Variants in ZNF804A observed in about 807,000 individuals in gnomAD.
ZNF804A encodes the protein zinc finger protein 804A.
ZNF804A carries 2 observed loss-of-function variants against 16.5 expected under a neutral mutation model. The observed-to-expected ratio is 0.12, with a 90% confidence interval of 0.05 to 0.38. The LOEUF (loss-of-function observed/expected upper bound fraction) is 0.38. ZNF804A is among the 10% of genes least tolerant of loss of function. ZNF804A has a pLI of 0.99. For missense variants in ZNF804A, 1,473 were observed against 1,390.7 expected (o/e 1.06, Z -0.94); for synonymous variants, 534 against 489.6 (o/e 1.09, Z -1.20).
At chr2:184,849,153 C>T (rs568686123) in intron 1 of ZNF804A, among the ~76,000 whole-genome samples, 2 of 152,088 alleles carry the variant, frequency 1.3e-5, no homozygotes, top group South Asian at 4.1e-4. Context: ...AAATAATTTA[C>T]ACTTGAGCCC....
chr2:184,782,292 T>TATTG (rs1694382374), intron 1 of ZNF804A, among the ~76,000 whole-genome samples: 1 of 151,616 alleles, frequency 6.6e-6, no homozygotes, highest in Admixed American at 6.6e-5. Context: ...GGGTGCAAAG[T>TATTG]ATTGATCCTG....
intron 1 of ZNF804A, among the ~76,000 whole-genome samples, chr2:184,608,938 C>T (rs1691194376): frequency 6.6e-6 from 1 of 152,086 alleles, no homozygotes; most frequent in Non-Finnish European, 1.5e-5. Flanking sequence ...GAGAAACAGG[C>T]TTCACTTAGA....
At chr2:184,776,843 G>A (rs190622974) in intron 1 of ZNF804A, among the ~76,000 whole-genome samples, 7 of 151,556 alleles carry the variant, frequency 4.6e-5, no homozygotes, top group Admixed American at 1.3e-4. Flanking sequence ...ACATCTCACT[G>A]TTCCCCTCAT....
chr2:184,817,367 A>T (rs1286676379), intron 1 of ZNF804A, among the ~76,000 whole-genome samples: 1 of 151,966 alleles, frequency 6.6e-6, no homozygotes, highest in Non-Finnish European at 1.5e-5. Flanking sequence ...CAACAAAAAC[A>T]TCAACAAAAA....
At chr2:184,689,571 G>T (rs964494836) in intron 1 of ZNF804A, among the ~76,000 whole-genome samples, 38 of 152,084 alleles carry the variant, frequency 2.5e-4, no homozygotes, top group Middle Eastern at 6.8e-3. Context: ...ATAATTTTAG[G>T]TCTGGTCATA....
chr2:184,766,082 A>G (rs1559144860), intron 1 of ZNF804A, among the ~76,000 whole-genome samples: 1 of 152,156 alleles, frequency 6.6e-6, no homozygotes, highest in Non-Finnish European at 1.5e-5. Flanking sequence ...TTTGCCCCAC[A>G]ACATGTATCG....
At chr2:184,691,967 T>A (rs1692737289) in intron 1 of ZNF804A, among the ~76,000 whole-genome samples, 2 of 152,102 alleles carry the variant, frequency 1.3e-5, no homozygotes, top group African/African-American at 4.8e-5. Context: ...GATTTATAAG[T>A]GAAAGTTTCT....
At chr2:184,897,725 A>T (rs1286151021) in intron 2 of ZNF804A, among the ~76,000 whole-genome samples, 1 of 152,124 alleles carries the variant, frequency 6.6e-6, no homozygotes, top group Non-Finnish European at 1.5e-5. Context: ...TGCTCAAATT[A>T]TTCCAGCTTT....
intron 1 of ZNF804A, among the ~76,000 whole-genome samples, chr2:184,698,581 G>A (rs1218614438): frequency 6.6e-6 from 1 of 152,036 alleles, no homozygotes; most frequent in Non-Finnish European, 1.5e-5. Context: ...CACTGCAAAT[G>A]GTGGAGGACT....
At chr2:184,927,301 C>T (rs550544352) in intron 2 of ZNF804A, among the ~76,000 whole-genome samples, 90 of 152,338 alleles carry the variant, frequency 5.9e-4, no homozygotes, top group Middle Eastern at 6.8e-3. Context: ...TCTGGATTAC[C>T]AGACAAAGAC....
intron 1 of ZNF804A, among the ~76,000 whole-genome samples, chr2:184,702,263 T>C (rs1372060609): frequency 1.3e-5 from 2 of 152,038 alleles, no homozygotes; most frequent in African/African-American, 4.8e-5. Flanking sequence ...TTTTGATTTT[T>C]TGAGACAACT....
intron 1 of ZNF804A, among the ~76,000 whole-genome samples, chr2:184,615,995 CA>C (rs1691313281): frequency 6.6e-6 from 1 of 152,154 alleles, no homozygotes; most frequent in Non-Finnish European, 1.5e-5. Flanking sequence ...TTTGGTTCCT[CA>C]ATAAGCCTGA....
intron 1 of ZNF804A, among the ~76,000 whole-genome samples, chr2:184,829,158 A>G (rs1695220006): frequency 1.3e-5 from 2 of 151,718 alleles, no homozygotes; most frequent in African/African-American, 4.8e-5. Flanking sequence ...CTAAATCTAA[A>G]TGCACTTTAT....
intron 1 of ZNF804A, among the ~76,000 whole-genome samples, chr2:184,670,420 G>A (rs1297365048): frequency 1.3e-5 from 2 of 151,884 alleles, no homozygotes; most frequent in South Asian, 2.1e-4. Context: ...ACATGTTAGA[G>A]CCTGTCAGTT....
At chr2:184,927,278 T>A (rs559417448) in intron 2 of ZNF804A, among the ~76,000 whole-genome samples, 1 of 152,338 alleles carries the variant, frequency 6.6e-6, no homozygotes, top group African/African-American at 2.4e-5. Flanking sequence ...TTGGACAAGA[T>A]CCAAAAGAAT....
rs568266340 is a variant in ZNF804A at position 184,852,554 on chromosome 2, T to G, written c.112-13815T>G. On this transcript the variant is annotated intron_variant, in intron 1 of 3. Transcript: ENST00000302277. ...TGTCATAGAGATCTCCCACCGGCTT[T>G]TTTTGTTTTTAGCAGTTTTACAGTG... Among the ~76,000 whole-genome samples, 473 of 151,440 alleles carry G rather than the reference T, an allele frequency of 3.1e-3. 4 individuals carry two copies. The highest frequency in any genetic ancestry group is 0.014 in the Middle Eastern group (4 of 294).
At chr2:184,678,182 C>T (rs1692471751) in intron 1 of ZNF804A, among the ~76,000 whole-genome samples, 1 of 151,906 alleles carries the variant, frequency 6.6e-6, no homozygotes, top group African/African-American at 2.4e-5. Flanking sequence ...AGCATTATTT[C>T]TTTAAAACAG....
intron 1 of ZNF804A, among the ~76,000 whole-genome samples, chr2:184,639,053 C>T (rs1260933184): frequency 6.8e-6 from 1 of 147,860 alleles, no homozygotes; most frequent in Admixed American, 6.8e-5. Context: ...ATCATCTTCT[C>T]TAGGAAGCCC....
chr2:184,881,031 A>G (rs762228292), intron 2 of ZNF804A, among the ~76,000 whole-genome samples: 2 of 152,116 alleles, frequency 1.3e-5, no homozygotes, highest in African/African-American at 4.8e-5. Flanking sequence ...ATAAAATGAT[A>G]CAGTAGATTA....
Sources: gnomAD v4.1 joint callset for allele counts (sites outside exome capture counted in the v4.1 genomes callset) on GRCh38, gnomAD v4.1.1 for gene constraint, MANE v1.5 for transcripts, NCBI Gene and HGNC (gene_info 2026-07-23, HGNC 2026-07-21) for gene names.